Variants in CCDC51 observed in about 807,000 individuals in gnomAD.
CCDC51 encodes the protein mitochondrial potassium channel.
A neutral mutation model predicts 24.8 loss-of-function variants in CCDC51; 25 were observed. The ratio of observed to expected loss-of-function variants is 1.01; its 90% CI spans 0.73 to 1.41. CCDC51 has a LOEUF of 1.41. Among genes scored for constraint, CCDC51 ranks in the 40% most tolerant of loss-of-function variants. The probability of loss-of-function intolerance (pLI) is 0.00; values close to 1 mark genes in which losing one functional copy is unlikely to be tolerated. For missense variants in CCDC51, 466 were observed against 519.1 expected (o/e 0.90, Z 0.99); for synonymous variants, 190 against 204.3 (o/e 0.93, Z 0.60).
upstream of CCDC51, chr3:48,440,308 C>G (rs768458123): frequency 1.9e-6 from 3 of 1,607,976 alleles, no homozygotes; most frequent in Admixed American, 1.7e-5. Flanking sequence ...TGTCCGGCCG[C>G]GAAGGTAAGT....
In CCDC51 at chr3:48,435,074, C is replaced by A. The variant is rs757741217; in HGVS notation, c.55G>T (p.Val19Leu). 6.2e-7 allele frequency: 1 copy of A among 1,611,956 alleles called. No individual in the cohort carries two copies. The highest frequency in any genetic ancestry group is 8.5e-7 in the Non-Finnish European group (1 of 1,178,888). Reference protein sequence around the residue: ...AMQHIVGVPHVLVRRGLLGRD... With the variant: ...AMQHIVGVPHLLVRRGLLGRD... ...CCAAGGAGGCCCCTCCGAACCAGTA[C>A]GTGGGGCACACCCACGATGTGCTGC... Residue 19 changes from valine (V) to leucine (L), a missense_variant, in exon 2 of 4, where the codon GTA becomes TTA. Transcript: ENST00000395694. The surrounding 1 kb of genome is among the most constrained non-coding windows in gnomAD (Gnocchi z 4.2).
chr3:48,433,147 G>A lies in CCDC51; in HGVS notation c.497C>T (p.Thr166Ile), dbSNP rs369077701. 3 of 1,611,348 alleles carry A rather than the reference G, an allele frequency of 1.9e-6. No individual in the cohort carries two copies. Among genetic ancestry groups the A allele is most frequent in the African/African-American group, 1.3e-5 (1 of 74,990 alleles). The change falls in exon 4 of 4, where the codon ACA becomes ATA. Residue 166 changes from threonine to isoleucine, a missense_variant. Thr to Ile is a moderately conservative substitution (Grantham distance 89). Coordinates refer to ENST00000395694, the MANE Select transcript of CCDC51 (RefSeq NM_001256964.2). The surrounding 1 kb of genome is among the most constrained non-coding windows in gnomAD (Gnocchi z 4.4). Reference protein sequence around the residue: ...RMLQEEKRLRTAYLRAEDSER... With the variant: ...RMLQEEKRLRIAYLRAEDSER... Reference sequence around the variant, plus strand: ...AGAGTCTTCTGCACGCAGATAGGCTGTGCGAAGCCTCTTCTCCTCCTGCAG... The same window carrying A: ...AGAGTCTTCTGCACGCAGATAGGCTATGCGAAGCCTCTTCTCCTCCTGCAG...
intron 1 of CCDC51, among the ~76,000 whole-genome samples, chr3:48,436,575 C>T (rs2039361778): frequency 6.6e-6 from 1 of 152,238 alleles, no homozygotes; most frequent in African/African-American, 2.4e-5. Context: ...CCCAGCAGCC[C>T]AGTCAGACTC....
chr3:48,439,187 G>A (rs559666514), intron 1 of CCDC51, among the ~76,000 whole-genome samples: 1 of 152,240 alleles, frequency 6.6e-6, no homozygotes, highest in African/African-American at 2.4e-5. Flanking sequence ...CCTGCAACAT[G>A]TATCCCATTT....
At chr3:48,446,343 T>G in the CCDC51 span, 1,299 of 152,998 alleles carry the variant, frequency 8.5e-3, 15 homozygotes, top group Non-Finnish European at 0.012. Flanking sequence ...CCCAACAAAT[T>G]CCACTCTCCT....
chr3:48,444,828 G>A (rs375456834), upstream of CCDC51, among the ~76,000 whole-genome samples: 12 of 152,146 alleles, frequency 7.9e-5, no homozygotes, highest in Admixed American at 1.3e-4. Flanking sequence ...CAGCAGCTGC[G>A]GGAAGCCCCA....
upstream of CCDC51, chr3:48,443,964 T>A (rs1360626185): frequency 5.9e-6 from 6 of 1,015,268 alleles, no homozygotes; most frequent in Admixed American, 1.4e-4. Context: ...TAACATCTTT[T>A]GCCACGTATA....
In CCDC51 at chr3:48,437,053, G is replaced by A. The variant is rs746453813; in HGVS notation, c.-8-1917C>T. Among the ~76,000 whole-genome samples, 14 of 152,018 alleles carry A rather than the reference G, an allele frequency of 9.2e-5. No homozygotes were observed. The highest frequency in any genetic ancestry group is 1.6e-4 in the Non-Finnish European group (11 of 68,012). On this transcript the variant is annotated intron_variant, in intron 1 of 3. Transcript: ENST00000395694. This position sits in a 1 kb window ranked among gnomAD's most constrained non-coding sequence, Gnocchi z 4.2. The stretch of plus-strand genomic sequence containing the variant: ...ACTGCCATACTCTGCTCCAGCCACC[G>A]TGCTGGTCTGTGCCCTGCCACCTTG...
upstream of CCDC51, chr3:48,440,575 A>T (rs2039535201): frequency 6.2e-7 from 1 of 1,611,628 alleles, no homozygotes; most frequent in Non-Finnish European, 8.5e-7. Flanking sequence ...CAAAAAGAGG[A>T]GCAGAAGAAA....
rs949745827 is a variant in CCDC51 at position 48,433,637 on chromosome 3, G to A, written c.477+70C>T. ...TACAGACCAGTCAGGGTTCCCACCC[G>A]GCCCCTCCATGATCTGCCAGGCTAG... On this transcript the variant is annotated intron_variant, in intron 3 of 3. Transcript: ENST00000395694. The surrounding 1 kb of genome is among the most constrained non-coding windows in gnomAD (Gnocchi z 4.4). 4.6e-6 allele frequency: 7 copies of A among 1,527,492 alleles called. No homozygotes were observed. Among genetic ancestry groups the A allele is most frequent in the Admixed American group, 1.8e-5 (1 of 54,772 alleles). 94.6% of individuals were successfully genotyped at this position (1,527,492 alleles called of 1,614,324 possible).
Position 48,440,100 on chromosome 3 carries a change from C to A in CCDC51, c.-121G>T. On this transcript the variant is annotated 5_prime_UTR_variant, in exon 1 of 4. Coordinates refer to ENST00000395694, the MANE Select transcript of CCDC51 (RefSeq NM_001256964.2). ...GACAACCCTAGCTCCTCGTACCTGG[C>A]GTGGCCCGACCAATCGTCTGCCACT... 1 of 851,202 alleles carries A rather than the reference C, an allele frequency of 1.2e-6. No homozygotes were observed. The highest frequency in any genetic ancestry group is 1.8e-6 in the Non-Finnish European group (1 of 567,814). 52.7% of individuals were successfully genotyped at this position (851,202 alleles called of 1,614,324 possible).
intron 1 of CCDC51, among the ~76,000 whole-genome samples, 182 bp downstream of exon 1, chr3:48,439,806 C>T (rs1257097288): frequency 2.0e-5 from 3 of 152,150 alleles, no homozygotes; most frequent in African/African-American, 7.2e-5. Context: ...ACTGCTGCAC[C>T]CCTGACTATA....
chr3:48,432,772 G>A lies in CCDC51; in HGVS notation c.872C>T (p.Thr291Ile). Residue 291 changes from threonine (T) to isoleucine (I), a missense_variant, in exon 4 of 4, where the codon ACC becomes ATC. Thr to Ile is a moderately conservative substitution (Grantham distance 89). Transcript: ENST00000395694. ...DSGSQAGSPP[T>I]RDRDVDVLSA... ...AAGGACATCTACATCTCTGTCTCTG[G>A]TCGGGGGACTACCTGCCTGTGACCC... 6.2e-7 allele frequency: 1 copy of A among 1,614,158 alleles called. No homozygotes were observed. The highest frequency in any genetic ancestry group is 8.5e-7 in the Non-Finnish European group (1 of 1,180,052).
Position 48,435,186 on chromosome 3 carries a change from C to T in CCDC51, c.-8-50G>A. On this transcript the variant is annotated intron_variant, in intron 1 of 3. Transcript: ENST00000395694. The surrounding 1 kb of genome is among the most constrained non-coding windows in gnomAD (Gnocchi z 4.2). ...CAGCTCACAGCTGAGAAAGGCTGGA[C>T]ATAAGTCAGTTTTGAGGCCTAGGGA... 2 of 1,469,382 alleles carry T rather than the reference C, an allele frequency of 1.4e-6. No individual in the cohort carries two copies. Among genetic ancestry groups the T allele is most frequent in the Non-Finnish European group, 1.8e-6 (2 of 1,100,352 alleles). The allele number at this position is 1,469,382 out of a possible 1,614,324, so 91.0% of individuals were successfully genotyped here.
At position 48,432,793 on chromosome 3, in the gene CCDC51, G is replaced by A. The variant is rs1683701765; in HGVS notation, c.851C>T (p.Ser284Leu). The A allele has an allele frequency of 1.9e-6, 3 of 1,614,042 alleles. No homozygotes were observed. In the South Asian group the frequency reaches 3.3e-5, roughly 18 times the overall value. Reference protein sequence around the residue: ...HAAGPGQDSGSQAGSPPTRDR... With the variant: ...HAAGPGQDSGLQAGSPPTRDR... ...TCTGGTCGGGGGACTACCTGCCTGT[G>A]ACCCAGAGTCCTGCCCTGGCCCAGC... The change falls in exon 4 of 4, where the codon TCA (serine) becomes TTA (leucine). Residue 284 changes from serine (S) to leucine (L), a missense_variant. Ser to Leu is a moderately radical substitution (Grantham distance 145). Coordinates refer to ENST00000395694, the MANE Select transcript of CCDC51 (RefSeq NM_001256964.2).
chr3:48,440,362 G>T, upstream of CCDC51: 1 of 1,611,734 alleles, frequency 6.2e-7, no homozygotes, highest in South Asian at 1.1e-5. Flanking sequence ...GGTGGGGACC[G>T]GGCGGCAGGG....
In CCDC51 at chr3:48,438,199, T is replaced by C. The variant is rs544035656; in HGVS notation, c.-9+1789A>G. On this transcript the variant is annotated intron_variant, in intron 1 of 3. Transcript: ENST00000395694. The stretch of plus-strand genomic sequence containing the variant: ...GTCCTGTGGTTTTAAAAATCATCTA[T>C]GAAAATGGTCAAAAAAATTTATTTT... 3 of 152,258 alleles carry C rather than the reference T, an allele frequency of 2.0e-5. No individual in the cohort carries two copies. The East Asian group carries it at 5.8e-4, about 29-fold the overall frequency. 9.4% of individuals were successfully genotyped at this position (152,258 alleles called of 1,614,324 possible). A position where few individuals can be genotyped will look rare whatever the true frequency, so the allele number is the denominator to read the frequency against.
chr3:48,441,609 C>A (rs747231304), upstream of CCDC51, among the ~76,000 whole-genome samples: 2 of 152,044 alleles, frequency 1.3e-5, no homozygotes, highest in Non-Finnish European at 2.9e-5. Flanking sequence ...TGTGCTGTTG[C>A]TCCATATGCT....
At position 48,434,812 on chromosome 3, in the gene CCDC51, C is replaced by T; in HGVS notation, c.312+5G>A. On this transcript the variant is annotated splice_donor_5th_base_variant and intron_variant, in intron 2 of 3. Transcript: ENST00000395694. ...GGGGCCAGCCACCCCAGCTCCCCTC[C>T]TCACCTCTGTCACCTTTCCCTGGGC... The T allele has an allele frequency of 6.3e-7, 1 of 1,585,782 alleles. No homozygotes were observed. The highest frequency in any genetic ancestry group is 1.2e-5 in the South Asian group (1 of 86,276).
Sources: allele counts gnomAD v4.1 joint callset (sites outside exome capture counted in the v4.1 genomes callset), GRCh38; gene constraint gnomAD v4.1.1; non-coding constraint Gnocchi (gnomAD v3.1); transcripts MANE v1.5; gene names NCBI Gene and HGNC (gene_info 2026-07-23, HGNC 2026-07-21).